The following HOOK3 variants were observed in gnomAD, a reference collection of about 807,000 sequenced individuals.
HOOK3 encodes the protein protein Hook homolog 3.
A neutral mutation model predicts 116.3 loss-of-function variants in HOOK3; 24 were observed. The ratio of observed to expected loss-of-function variants is 0.21; its 90% confidence interval spans 0.15 to 0.29. The LOEUF (loss-of-function observed/expected upper bound fraction) is 0.29, where lower values mean the gene tolerates loss of function less well. Ranked by LOEUF, HOOK3 falls within the 10% of genes least tolerant of loss-of-function variation. The pLI is 1.00. For missense variants in HOOK3, 632 were observed against 830.2 expected (o/e 0.76, Z 2.93); for synonymous variants, 275 against 283.0 (o/e 0.97, Z 0.28).
intron 6 of HOOK3, among the ~76,000 whole-genome samples, chr8:42,950,991 T>A (rs1808328620): frequency 6.6e-6 from 1 of 151,812 alleles, no homozygotes; most frequent in Admixed American, 6.6e-5. Context: ...GGCCGACTAT[T>A]CCTAATTTTT....
chr8:42,899,887 A>G (rs556847504), intron 1 of HOOK3, among the ~76,000 whole-genome samples: 3 of 152,244 alleles, frequency 2.0e-5, no homozygotes, highest in East Asian at 1.9e-4. Context: ...ATTCCTGAGT[A>G]TCAGATAAAA....
intron 2 of HOOK3, among the ~76,000 whole-genome samples, chr8:42,909,182 G>A (rs920785807): frequency 2.0e-5 from 3 of 152,152 alleles, no homozygotes; most frequent in African/African-American, 4.8e-5. Context: ...TGGAGCAGAG[G>A]GAACCCTTGT....
intron 19 of HOOK3, among the ~76,000 whole-genome samples, chr8:43,010,657 T>G (rs2130486987): frequency 6.6e-6 from 1 of 152,332 alleles, no homozygotes; most frequent in South Asian, 2.1e-4. Context: ...GCCACCTTAT[T>G]AGTCATCAAA....
chr8:42,973,112 C>T (rs1027038373), intron 11 of HOOK3, among the ~76,000 whole-genome samples, 177 bp from the exon 12 acceptor site: 5 of 152,114 alleles, frequency 3.3e-5, no homozygotes, highest in East Asian at 3.8e-4. Flanking sequence ...TGGTTGGGAC[C>T]GAATAGTAAC....
rs1809969203 is a variant in HOOK3 at position 43,028,266 on chromosome 8, A to G, written c.*9768A>G. The stretch of plus-strand genomic sequence containing the variant: ...CTACTCCAGAGGTCGAGGCAGGAGC[A>G]TCGCTTAAGCCCAGGAGGTTCAGGC... On this transcript the variant is annotated 3_prime_UTR_variant, in exon 22 of 22. Transcript: ENST00000307602. 1 of 184,646 alleles carries G rather than the reference A, an allele frequency of 5.4e-6. No individual in the cohort carries two copies. Among genetic ancestry groups the G allele is most frequent in the African/African-American group, 2.3e-5 (1 of 42,596 alleles). The allele number at this position is 184,646 out of a possible 1,614,324, so 11.4% of individuals were successfully genotyped here.
chr8:42,913,203 T>G (rs1807467504), intron 2 of HOOK3, among the ~76,000 whole-genome samples: 1 of 152,190 alleles, frequency 6.6e-6, no homozygotes, highest in Non-Finnish European at 1.5e-5. Flanking sequence ...TATATGCCTG[T>G]GAAGCTATCC....
At chr8:42,933,485 G>T (rs1433373355) in intron 4 of HOOK3, among the ~76,000 whole-genome samples, 1 of 152,156 alleles carries the variant, frequency 6.6e-6, no homozygotes, top group African/African-American at 2.4e-5. Context: ...CAAAACATAA[G>T]ATTATTCACT....
chr8:42,943,693 A>G (rs1019805926), intron 5 of HOOK3, among the ~76,000 whole-genome samples: 2 of 152,208 alleles, frequency 1.3e-5, no homozygotes, highest in African/African-American at 2.4e-5. Flanking sequence ...TTGAGTAGAT[A>G]ACTACACTGA....
chr8:42,914,281 T>A (rs1429352592), intron 2 of HOOK3, among the ~76,000 whole-genome samples: 5 of 152,220 alleles, frequency 3.3e-5, no homozygotes, highest in Non-Finnish European at 5.9e-5. Context: ...TCTTAGTGAT[T>A]TAAGTATGCA....
chr8:43,007,684 TA>T, intron 17 of HOOK3, among the ~76,000 whole-genome samples, 162 bp from the exon 18 acceptor site: 1 of 152,160 alleles, frequency 6.6e-6, no homozygotes, highest in Non-Finnish European at 1.5e-5. Context: ...ATTTTTTACT[TA>T]TTTTTTAAAT....
Position 43,020,619 on chromosome 8 carries a change from C to G in HOOK3, c.*2121C>G, listed in dbSNP as rs1809806753. On this transcript the variant is annotated 3_prime_UTR_variant, in exon 22 of 22. Coordinates refer to ENST00000307602, the MANE Select transcript of HOOK3 (RefSeq NM_032410.4). ...ATCCCAGCTACTTGGGAGGCTGAGG[C>G]AGGAGAGTCACTTGAACTCAGGAGC... is the stretch of plus-strand genomic sequence containing the variant. The G allele has an allele frequency of 5.7e-6, 1 of 174,434 alleles. No individual in the cohort carries two copies. The allele number at this position is 174,434 out of a possible 1,614,324, so 10.8% of individuals were successfully genotyped here. A position where few individuals can be genotyped will look rare whatever the true frequency, so the allele number is the denominator to read the frequency against.
chr8:42,997,671 A>G, intron 16 of HOOK3, 34 bp downstream of exon 16: 1 of 1,104,834 alleles, frequency 9.1e-7, no homozygotes, highest in South Asian at 1.2e-5. Flanking sequence ...ATGGTCCATC[A>G]GTTTCACAAT....
intron 2 of HOOK3, among the ~76,000 whole-genome samples, chr8:42,921,744 A>C (rs1807661089): frequency 1.3e-5 from 2 of 152,224 alleles, no homozygotes; most frequent in Admixed American, 1.3e-4. Flanking sequence ...TCTTTAAACA[A>C]ATTGCTTGGA....
Position 43,002,123 on chromosome 8 carries a change from A to G in HOOK3, c.1637A>G (p.Lys546Arg). 1 of 1,591,336 alleles carries G rather than the reference A, an allele frequency of 6.3e-7. No individual in the cohort carries two copies. The highest frequency in any genetic ancestry group is 8.6e-7 in the Non-Finnish European group (1 of 1,159,554). The change falls in exon 17 of 22, where the codon AAG (lysine) becomes AGG (arginine). Residue 546 changes from lysine to arginine, a missense_variant. Around this residue, in one of 3 missense-constraint regions of HOOK3, gnomAD observed 483 missense variants for 648.1 expected, o/e 0.75. Transcript: ENST00000307602. ...CATTTTTAGTCAGTCCTTCTAAAAA[A>G]GAAGCTTGAAGAACATCTGTAAGTA... is the stretch of plus-strand genomic sequence containing the variant. ...SKAEDSVLLK[K>R]KLEEHLEKLH...
At chr8:42,958,282 T>C (rs2130409796) in intron 7 of HOOK3, among the ~76,000 whole-genome samples, 1 of 152,328 alleles carries the variant, frequency 6.6e-6, no homozygotes, top group African/African-American at 2.4e-5. Context: ...GGAAAATCTT[T>C]GGACATGTTG....
intron 4 of HOOK3, among the ~76,000 whole-genome samples, chr8:42,935,185 G>A (rs1465229071): frequency 6.6e-6 from 1 of 152,046 alleles, no homozygotes; most frequent in Non-Finnish European, 1.5e-5. Context: ...CCATATAAAT[G>A]TCTTCTTTCG....
At chr8:42,981,819 G>GAT in intron 13 of HOOK3, among the ~76,000 whole-genome samples, 1 of 149,728 alleles carries the variant, frequency 6.7e-6, no homozygotes, top group Non-Finnish European at 1.5e-5. Flanking sequence ...AGGAGACAGA[G>GAT]GTTGCAGTGA....
Position 42,966,602 on chromosome 8 carries a change from C to G in HOOK3, c.909C>G (p.Ile303Met), listed in dbSNP as rs561721523. The change falls in exon 10 of 22, where the codon ATC becomes ATG. Residue 303 changes from isoleucine to methionine, a missense_variant. This residue lies in a region of HOOK3 where 483 missense variants were observed against 648.1 expected (regional missense o/e 0.75). Transcript: ENST00000307602. ...ADEAQSLKDEIDVLRHSSDKV... is the reference protein window; with the variant it reads ...ADEAQSLKDEMDVLRHSSDKV... ...AAGCTCAGTCTCTGAAAGATGAGAT[C>G]GACGTGCTGAGGTAAAAACCTCACC... 1.2e-6 allele frequency: 2 copies of G among 1,613,992 alleles called. No individual in the cohort carries two copies. The highest frequency in any genetic ancestry group is 4.5e-5 in the East Asian group (2 of 44,874).
rs369524345 is a variant in HOOK3, at chr8:42,993,797, C to A, written c.1533-3753C>A. 9.9e-5 allele frequency among the ~76,000 whole-genome samples: 15 copies of A among 152,178 alleles called. 1 individual carries two copies. The South Asian group carries it at 1.5e-3, about 15-fold the overall frequency. On this transcript the variant is annotated intron_variant, in intron 15 of 21. Transcript: ENST00000307602. ...TTTTCAATTTTTTGGCATATAGTTG[C>A]TCATAATAACCAGTAATCCTTTGAA...
Sources: allele counts gnomAD v4.1 joint callset (sites outside exome capture counted in the v4.1 genomes callset), GRCh38; gene constraint gnomAD v4.1.1; regional missense constraint gnomAD v4.1.1; transcripts MANE v1.5; gene names NCBI Gene and HGNC (gene_info 2026-07-23, HGNC 2026-07-21).